The following NYAP2 variants were observed in gnomAD, a reference collection of about 807,000 sequenced individuals.
The protein encoded by NYAP2 is neuronal tyrosine-phosphorylated phosphoinositide-3-kinase adaptor 2.
Under a neutral mutation model 50.4 loss-of-function variants are expected in NYAP2, and 23 were observed. The ratio of observed to expected loss-of-function variants is 0.46; its 90% CI spans 0.33 to 0.65. The LOEUF (loss-of-function observed/expected upper bound fraction) is 0.65, where lower values mean the gene tolerates loss of function less well. NYAP2 is among the 30% of genes least tolerant of loss of function. The probability of loss-of-function intolerance (pLI) is 0.02; values close to 1 mark genes in which losing one functional copy is unlikely to be tolerated. For missense variants in NYAP2, 885 were observed against 861.0 expected (o/e 1.03, Z -0.35); for synonymous variants, 394 against 365.2 (o/e 1.08, Z -0.90).
At position 225,582,334 on chromosome 2, in the gene NYAP2, T is replaced by C. The variant is rs2106229534; in HGVS notation, c.917T>C (p.Phe306Ser). Reference sequence around the variant, plus strand: ...ACTCCCACGGTGCCTGACTTGGACTTCGCCAAGGCCTCAGTGCCATGCCCC... The same window carrying C: ...ACTCCCACGGTGCCTGACTTGGACTCCGCCAAGGCCTCAGTGCCATGCCCC... The change falls in exon 5 of 7, where the codon TTC becomes TCC. Residue 306 changes from phenylalanine (F) to serine (S), a missense_variant. By Grantham distance (155) the Phe-to-Ser change is radical. Coordinates refer to ENST00000636099, the Ensembl canonical transcript of NYAP2. This position sits in a 1 kb window ranked among gnomAD's most constrained non-coding sequence, Gnocchi z 7.0. 1.2e-6 allele frequency: 2 copies of C among 1,613,974 alleles called. No individual in the cohort carries two copies. Among genetic ancestry groups the C allele is most frequent in the Non-Finnish European group, 1.7e-6 (2 of 1,179,862 alleles).
chr2:225,527,510 G>A (rs1691173564), intron 4 of NYAP2, among the ~76,000 whole-genome samples: 1 of 152,126 alleles, frequency 6.6e-6, no homozygotes, highest in Non-Finnish European at 1.5e-5. Context: ...TATTTATGCT[G>A]TTATAGAACA....
At chr2:225,513,465 C>G in exon 4 of NYAP2, 1 of 1,613,996 alleles carries the variant, frequency 6.2e-7, no homozygotes, top group Non-Finnish European at 8.5e-7. Flanking sequence ...TCAGGACAGA[C>G]TTCCCCATCC....
At chr2:225,462,144 G>A (rs1689844633) in intron 3 of NYAP2, among the ~76,000 whole-genome samples, 1 of 152,084 alleles carries the variant, frequency 6.6e-6, no homozygotes, top group Non-Finnish European at 1.5e-5. Context: ...AGTTGCATAG[G>A]TTTATTTAAT....
intron 3 of NYAP2, among the ~76,000 whole-genome samples, chr2:225,415,880 A>C (rs1000802759): frequency 1.3e-5 from 2 of 151,812 alleles, no homozygotes; most frequent in East Asian, 3.9e-4. Context: ...TTTGAGCAAC[A>C]TAAAAAAAAA....
rs115600871 is a variant in NYAP2, at chr2:225,634,592, T to A, written c.1828+7466T>A. The stretch of plus-strand genomic sequence containing the variant: ...AAAGCCATTTCTTACACACTGTGCT[T>A]GTAAATTCTATACTAATTATAAATG... On this transcript the variant is annotated intron_variant, in intron 6 of 6. Transcript: ENST00000636099. Among the ~76,000 whole-genome samples, 426 of 152,334 alleles carry A rather than the reference T, an allele frequency of 2.8e-3. 5 individuals are homozygous for A. The highest frequency in any genetic ancestry group is 1.0e-2 in the African/African-American group (414 of 41,576).
chr2:225,539,453 C>T (rs1691418907), intron 4 of NYAP2, among the ~76,000 whole-genome samples: 1 of 152,220 alleles, frequency 6.6e-6, no homozygotes, highest in East Asian at 1.9e-4. Context: ...CTAATTTATA[C>T]TCCCATTAAC....
At chr2:225,677,557 G>A in the NYAP2 span, among the ~76,000 whole-genome samples, 2 of 151,960 alleles carry the variant, frequency 1.3e-5, no homozygotes, top group Non-Finnish European at 2.9e-5. Flanking sequence ...TGTCCTAGAT[G>A]GGTCTTATTA....
At chr2:225,467,298 C>T (rs1689936142) in intron 3 of NYAP2, among the ~76,000 whole-genome samples, 1 of 152,188 alleles carries the variant, frequency 6.6e-6, no homozygotes, top group Admixed American at 6.5e-5. Context: ...CCACTGATCA[C>T]CAGTTTCAGG....
chr2:225,401,566 A>G (rs1694863303), intron 2 of NYAP2, among the ~76,000 whole-genome samples: 1 of 152,048 alleles, frequency 6.6e-6, no homozygotes, highest in Non-Finnish European at 1.5e-5. Context: ...AACCTCTTTG[A>G]GAAACATTTT....
At chr2:225,410,426 AT>A (rs548719021) in intron 3 of NYAP2, among the ~76,000 whole-genome samples, 95 of 147,506 alleles carry the variant, frequency 6.4e-4, no homozygotes, top group African/African-American at 1.4e-3. Context: ...TTCTTAGGAC[AT>A]TTTTTTTTTC....
At chr2:225,522,209 A>T (rs1008684985) in intron 4 of NYAP2, among the ~76,000 whole-genome samples, 1 of 151,982 alleles carries the variant, frequency 6.6e-6, no homozygotes, top group African/African-American at 2.4e-5. Flanking sequence ...AATTATCTCT[A>T]CATTTTCAAG....
chr2:225,525,136 A>G (rs1196101380), intron 4 of NYAP2, among the ~76,000 whole-genome samples: 3 of 152,204 alleles, frequency 2.0e-5, no homozygotes, highest in African/African-American at 7.2e-5. Context: ...GTCAGTTGGA[A>G]TATGTATTAG....
intron 4 of NYAP2, among the ~76,000 whole-genome samples, chr2:225,549,560 A>G (rs1691637543): frequency 6.6e-6 from 1 of 152,222 alleles, no homozygotes; most frequent in Non-Finnish European, 1.5e-5. Flanking sequence ...GGAGATGGAA[A>G]GTAAACAATT....
chr2:225,581,393 C>T (rs1224524497), intron 4 of NYAP2, among the ~76,000 whole-genome samples: 3 of 152,300 alleles, frequency 2.0e-5, no homozygotes, highest in South Asian at 4.1e-4. Flanking sequence ...ATATCAGACC[C>T]ATCTGTATGG....
chr2:225,478,599 C>T (rs750515911), intron 3 of NYAP2, among the ~76,000 whole-genome samples: 9 of 152,158 alleles, frequency 5.9e-5, no homozygotes, highest in Non-Finnish European at 1.0e-4. Flanking sequence ...ATACCCCTTT[C>T]TAATCAGTCC....
In NYAP2 at chr2:225,623,803, G is replaced by A. The variant is rs1444272833; in HGVS notation, c.1619-3114G>A. 2.0e-5 allele frequency among the ~76,000 whole-genome samples: 3 copies of A among 152,258 alleles called. No homozygotes were observed. In the East Asian group the frequency reaches 5.8e-4, roughly 29 times the overall value. On this transcript the variant is annotated intron_variant, in intron 5 of 6. Coordinates refer to ENST00000636099, the Ensembl canonical transcript of NYAP2. The stretch of plus-strand genomic sequence containing the variant: ...TAAATAGCTTCTATTTCCAGACATA[G>A]CAGAGAAGGCATATTCCATTGTTAA...
At chr2:225,399,549 C>T (rs770214256), upstream of NYAP2, among the ~76,000 whole-genome samples, 1 of 151,834 alleles carries the variant, frequency 6.6e-6, no homozygotes, top group African/African-American at 2.4e-5. Context: ...ATGTGCAGTC[C>T]GAGTAAGACC....
At chr2:225,669,533 A>T in the NYAP2 span, among the ~76,000 whole-genome samples, 1 of 152,134 alleles carries the variant, frequency 6.6e-6, no homozygotes, top group Non-Finnish European at 1.5e-5. Flanking sequence ...TCTTGATTAC[A>T]ATTTAAAAAA....
rs151060714 is a variant in NYAP2, at chr2:225,468,536, A to G, written c.222-44835A>G. On this transcript the variant is annotated intron_variant, in intron 3 of 6. Coordinates refer to ENST00000636099, the Ensembl canonical transcript of NYAP2. Reference sequence around the variant, plus strand: ...TACAGTCATTCAAACCACTGTTTCAACTGAAGTGGGCAATATATTCTAGGA... The same window carrying G: ...TACAGTCATTCAAACCACTGTTTCAGCTGAAGTGGGCAATATATTCTAGGA... Among the ~76,000 whole-genome samples, 308 of 152,344 alleles carry G rather than the reference A, an allele frequency of 2.0e-3. 1 individual carries two copies. Among genetic ancestry groups the G allele is most frequent in the African/African-American group, 6.9e-3 (288 of 41,576 alleles).
Sources: gnomAD v4.1 joint callset for allele counts (sites outside exome capture counted in the v4.1 genomes callset) on GRCh38, gnomAD v4.1.1 for gene constraint, Gnocchi (gnomAD v3.1) non-coding constraint, MANE v1.5 for transcripts, NCBI Gene and HGNC (gene_info 2026-07-23, HGNC 2026-07-21) for gene names.